ITGB4: variants seen among roughly 807,000 people sequenced by gnomAD.
ITGB4 encodes the protein integrin subunit beta 4, also known as integrin beta-4.
In ITGB4, 159 loss-of-function variants were observed where a neutral mutation model predicts 207.6. That is an observed-to-expected ratio of 0.77 (90% CI 0.67 to 0.87). ITGB4 has a LOEUF of 0.87. Among genes scored for constraint, ITGB4 ranks in the 40% least tolerant of loss-of-function variants. The pLI, the probability that ITGB4 is intolerant of heterozygous loss-of-function variation, is 0.00. For missense variants in ITGB4, 2,278 were observed against 2,546.8 expected (o/e 0.89, Z 2.27); for synonymous variants, 1,020 against 1,062.7 (o/e 0.96, Z 0.78).
rs763291660 is a variant in ITGB4 at position 75,757,485 on chromosome 17, T to C, written c.5399T>C (p.Phe1800Ser). ...CTCACCCGGCATGTGACCCAGGAGTTTGTGAGCCGGACACTGACCACCAGC... is the reference window on the plus strand; with the variant it reads ...CTCACCCGGCATGTGACCCAGGAGTCTGTGAGCCGGACACTGACCACCAGC... Reference protein sequence around the residue: ...GSLTRHVTQEFVSRTLTTSGT... With the variant: ...GSLTRHVTQESVSRTLTTSGT... The change falls in exon 40 of 40, where the codon TTT (phenylalanine) becomes TCT (serine). Residue 1800 changes from phenylalanine (F) to serine (S), a missense_variant. By Grantham distance (155) the Phe-to-Ser change is radical. Coordinates refer to ENST00000200181, the MANE Select transcript of ITGB4 (RefSeq NM_000213.5). 2 of 1,612,916 alleles carry C rather than the reference T, an allele frequency of 1.2e-6. No homozygotes were observed. The highest frequency in any genetic ancestry group is 1.3e-5 in the African/African-American group (1 of 74,888).
chr17:75,732,330 T>A lies in ITGB4; in HGVS notation c.1454+91T>A. On this transcript the variant is annotated intron_variant, in intron 12 of 39. Transcript: ENST00000200181. The surrounding 1 kb of genome is among the most constrained non-coding windows in gnomAD (Gnocchi z 5.3). ...GCAGGGGCCTGGCCCTGGGTGCACC[T>A]TGTACACCTGGCTGGGGGTGGGGCG... The A allele has an allele frequency of 1.2e-5, 15 of 1,234,874 alleles. No individual in the cohort carries two copies. Among genetic ancestry groups the A allele is most frequent in the Non-Finnish European group, 1.5e-5 (13 of 841,508 alleles). The allele number at this position is 1,234,874 out of a possible 1,614,324, so 76.5% of individuals were successfully genotyped here.
chr17:75,750,243 C>T lies in ITGB4; in HGVS notation c.3449C>T (p.Pro1150Leu), dbSNP rs2061336624. The T allele has an allele frequency of 1.2e-6, 2 of 1,613,386 alleles. No homozygotes were observed. The highest frequency in any genetic ancestry group is 1.3e-5 in the African/African-American group (1 of 75,036). The change falls in exon 28 of 40, where the codon CCT becomes CTT. Residue 1150 changes from proline to leucine, a missense_variant. Physicochemically the swap from Pro to Leu is moderately conservative, Grantham distance 98. Transcript: ENST00000200181. This position sits in a 1 kb window ranked among gnomAD's most constrained non-coding sequence, Gnocchi z 5.5. ...AAGATCCATTTCAACTGGCTGCCCC[C>T]TTCTGGCAAGCCAATGGGGTACAGG... ...SRKIHFNWLP[P>L]SGKPMGYRVK...
At position 75,750,989 on chromosome 17, in the gene ITGB4, G is replaced by C. The variant is rs1343998697; in HGVS notation, c.3671G>C (p.Gly1224Ala). Residue 1224 changes from glycine to alanine, a missense_variant, in exon 30 of 40, where the codon GGG (glycine) becomes GCG (alanine). Coordinates refer to ENST00000200181, the MANE Select transcript of ITGB4 (RefSeq NM_000213.5). The surrounding 1 kb of genome is among the most constrained non-coding windows in gnomAD (Gnocchi z 5.5). ...RTHQEVPSEP[G>A]RLAFNVVSST... Reference sequence around the variant, plus strand: ...CGCTCCCTAGTGCCCAGCGAGCCAGGGCGTCTGGCCTTCAATGTCGTCTCC... The same window carrying C: ...CGCTCCCTAGTGCCCAGCGAGCCAGCGCGTCTGGCCTTCAATGTCGTCTCC... 1.2e-6 allele frequency: 2 copies of C among 1,613,774 alleles called. No homozygotes were observed. The highest frequency in any genetic ancestry group is 1.7e-6 in the Non-Finnish European group (2 of 1,180,018).
chr17:75,727,553 C>A lies in ITGB4; in HGVS notation c.264+48C>A. ...TGGGGGCTCCCCATGCTCAGCCTGG[C>A]TATTTATGGGGGTGTATAGTGCCCC... On this transcript the variant is annotated intron_variant, in intron 4 of 39. Coordinates refer to ENST00000200181, the MANE Select transcript of ITGB4 (RefSeq NM_000213.5). This position sits in a 1 kb window ranked among gnomAD's most constrained non-coding sequence, Gnocchi z 6.0. The A allele has an allele frequency of 6.2e-7, 1 of 1,601,284 alleles. No homozygotes were observed. The highest frequency in any genetic ancestry group is 8.5e-7 in the Non-Finnish European group (1 of 1,173,124).
intron 32 of ITGB4, among the ~76,000 whole-genome samples, chr17:75,753,183 G>A (rs865905889): frequency 4.6e-5 from 7 of 152,214 alleles, no homozygotes; most frequent in South Asian, 2.1e-4. Flanking sequence ...TATATCTTTT[G>A]TATTTTCTTC....
chr17:75,756,451 C>T lies in ITGB4; in HGVS notation c.4731C>T (p.Ile1577=), dbSNP rs143423379. ...LNGGELHRLN[I]PNPAQTSVVV... ...CAGGTGAGCTGCATCGGCTCAACAT[C>T]CCCAACCCTGCCCAGACCTCGGTGG... The change falls in exon 36 of 40, where the codon ATC becomes ATT. Residue 1577 remains isoleucine (I), a synonymous_variant. Transcript: ENST00000200181. 2 of 1,613,348 alleles carry T rather than the reference C, an allele frequency of 1.2e-6. No homozygotes were observed. Among genetic ancestry groups the T allele is most frequent in the African/African-American group, 1.3e-5 (1 of 75,022 alleles).
In ITGB4 at chr17:75,752,556, C is replaced by T; in HGVS notation, c.4087C>T (p.Pro1363Ser). 6.2e-7 allele frequency: 1 copy of T among 1,613,620 alleles called. No individual in the cohort carries two copies. The highest frequency in any genetic ancestry group is 8.5e-7 in the Non-Finnish European group (1 of 1,180,024). The stretch of plus-strand genomic sequence containing the variant: ...ACGCTCTCCATCGGGCAGCCAGAGG[C>T]CCAGCGTCTCCGATGACACTGGTGA... ...VLRSPSGSQR[P>S]SVSDDTGCGW... Residue 1363 changes from proline to serine, a missense_variant, in exon 32 of 40, where the codon CCC (proline) becomes TCC (serine). Physicochemically the swap from Pro to Ser is moderately conservative, Grantham distance 74. Transcript: ENST00000200181.
chr17:75,724,746 G>A lies in ITGB4; in HGVS notation c.43G>A (p.Ala15Thr), dbSNP rs560574772. 8.5e-5 allele frequency: 137 copies of A among 1,613,772 alleles called. No homozygotes were observed. In the South Asian group the frequency reaches 1.3e-3, roughly 16 times the overall value. ...CAGCCCATGGGCCAGGCTGCTCCTG[G>A]CAGCCTTGATCAGCGTCAGCCTCTC... is the stretch of plus-strand genomic sequence containing the variant. ...RPSPWARLLL[A>T]ALISVSLSGT... The change falls in exon 2 of 40, where the codon GCA (alanine) becomes ACA (threonine). Residue 15 changes from alanine (A) to threonine (T), a missense_variant. Physicochemically the swap from Ala to Thr is moderately conservative, Grantham distance 58 (BLOSUM62 0). Transcript: ENST00000200181.
chr17:75,754,418 C>G (rs1368619998), intron 33 of ITGB4, 158 bp from the exon 34 acceptor site: 1 of 859,972 alleles, frequency 1.2e-6, no homozygotes, highest in Non-Finnish European at 1.8e-6. Context: ...CCTGCAGGGA[C>G]AGAGGGCCTC....
intron 16 of ITGB4, 159 bp downstream of exon 16, chr17:75,736,853 T>C (rs981835330): frequency 2.6e-5 from 21 of 812,086 alleles, no homozygotes; most frequent in Middle Eastern, 3.1e-4. Flanking sequence ...AGAACCCAGA[T>C]AGAGGACACC....
At chr17:75,743,892 G>A (rs1470497489) in intron 26 of ITGB4, 31 bp downstream of exon 26, 1 of 1,552,608 alleles carries the variant, frequency 6.4e-7, no homozygotes, top group Non-Finnish European at 8.7e-7. Context: ...CGAGGGTGCA[G>A]CCCGGGGGGC....
rs1432931367 is a variant in ITGB4, at chr17:75,727,518, G to C, written c.264+13G>C. The C allele has an allele frequency of 6.2e-7, 1 of 1,612,726 alleles. No individual in the cohort carries two copies. Among genetic ancestry groups the C allele is most frequent in the East Asian group, 2.2e-5 (1 of 44,850 alleles). On this transcript the variant is annotated intron_variant, in intron 4 of 39. Transcript: ENST00000200181. This position sits in a 1 kb window ranked among gnomAD's most constrained non-coding sequence, Gnocchi z 6.0. Reference sequence around the variant, plus strand: ...CCAAATCACAGAGGTGCCTGGTGTGGGGACTGGGGTGGGGGCTCCCCATGC... The same window carrying C: ...CCAAATCACAGAGGTGCCTGGTGTGCGGACTGGGGTGGGGGCTCCCCATGC...
rs1257740855 is a variant in ITGB4 at position 75,736,550 on chromosome 17, C to G, written c.1861-15C>G. On this transcript the variant is annotated splice_polypyrimidine_tract_variant and intron_variant, in intron 15 of 39. Coordinates refer to ENST00000200181, the MANE Select transcript of ITGB4 (RefSeq NM_000213.5). ...CCCAACACAGTGCCTGTCTGCCCCG[C>G]CTTTCCCCGCCAAGATCCACCCGGG... 2 of 1,590,938 alleles carry G rather than the reference C, an allele frequency of 1.3e-6. No individual in the cohort carries two copies. Among genetic ancestry groups the G allele is most frequent in the African/African-American group, 2.7e-5 (2 of 74,706 alleles).
chr17:75,740,364 A>G lies in ITGB4; in HGVS notation c.2453A>G (p.Tyr818Cys). The part of the protein sequence containing the change: ...ASINPTELVP[Y>C]GLSLRLARLC... ...TCCCACCGCCTTTCCTTAGTGCCCT[A>G]CGGGCTGTCCTTGCGCCTGGCCCGC... The change falls in exon 21 of 40, where the codon TAC (tyrosine) becomes TGC (cysteine). Residue 818 changes from tyrosine (Y) to cysteine (C), a missense_variant. Tyr to Cys is a radical substitution (Grantham distance 194). Coordinates refer to ENST00000200181, the MANE Select transcript of ITGB4 (RefSeq NM_000213.5). This position sits in a 1 kb window ranked among gnomAD's most constrained non-coding sequence, Gnocchi z 5.9. 6.2e-7 allele frequency: 1 copy of G among 1,613,062 alleles called. No individual in the cohort carries two copies. Among genetic ancestry groups the G allele is most frequent in the Non-Finnish European group, 8.5e-7 (1 of 1,179,872 alleles).
rs2061353484 is a variant in ITGB4 at position 75,750,913 on chromosome 17, A to G, written c.3655+53A>G. The G allele has an allele frequency of 6.2e-7, 1 of 1,612,936 alleles. No individual in the cohort carries two copies. The highest frequency in any genetic ancestry group is 1.3e-5 in the African/African-American group (1 of 74,904). On this transcript the variant is annotated intron_variant, in intron 29 of 39. Transcript: ENST00000200181. The surrounding 1 kb of genome is among the most constrained non-coding windows in gnomAD (Gnocchi z 5.5). The stretch of plus-strand genomic sequence containing the variant: ...GTCCCCTGGCTGCCCTGATGCCAGC[A>G]TGCCCAGACCTCCCTCCCTCTGCCA...
chr17:75,722,789 G>A lies in ITGB4; in HGVS notation c.-11+1177G>A. Among the ~76,000 whole-genome samples, 1 of 151,306 alleles carries A rather than the reference G, an allele frequency of 6.6e-6. No homozygotes were observed. Among genetic ancestry groups the A allele is most frequent in the Non-Finnish European group, 1.5e-5 (1 of 67,898 alleles). ...TGTGTGTGTGTGTGTGTGTGTGTGT[G>A]TGTCCCTGTGGGGGGGAAACTGCCT... On this transcript the variant is annotated intron_variant, in intron 1 of 39. Coordinates refer to ENST00000200181, the MANE Select transcript of ITGB4 (RefSeq NM_000213.5). This position sits in a 1 kb window ranked among gnomAD's most constrained non-coding sequence, Gnocchi z 6.2.
chr17:75,736,740 C>T (rs752257415), intron 16 of ITGB4, 46 bp downstream of exon 16: 19 of 1,568,186 alleles, frequency 1.2e-5, no homozygotes, highest in Admixed American at 5.8e-5. Context: ...GCCTAGGCAG[C>T]GGGCATCCAA....
rs1007627082 is a variant in ITGB4, at chr17:75,755,864, G to C, written c.4708+14G>C. On this transcript the variant is annotated intron_variant, in intron 35 of 39. Coordinates refer to ENST00000200181, the MANE Select transcript of ITGB4 (RefSeq NM_000213.5). ...TGCTGAACGGCGGTGAGGCATGGTG[G>C]CTGCCAGGCTGCGGGGTGCAGCCCT... The C allele has an allele frequency of 1.9e-6, 3 of 1,598,718 alleles. No homozygotes were observed. The African/African-American group carries it at 4.0e-5, about 21-fold the overall frequency.
In ITGB4 at chr17:75,752,298, G is replaced by A; in HGVS notation, c.3918G>A (p.Trp1306Ter). ...YTVKARNGAG[W>*]GPEREAIINL... ...TGAAGGCGCGCAACGGGGCCGGCTG[G>A]GGGCCTGAGCGGGAGGCCATCATCA... Residue 1306 changes from tryptophan (W) to a stop codon, truncating the protein, a stop_gained, in exon 31 of 40, where the codon TGG becomes TGA. Transcript: ENST00000200181. LOFTEE classifies it high-confidence loss of function. 6.2e-7 allele frequency: 1 copy of A among 1,613,232 alleles called. No homozygotes were observed. The highest frequency in any genetic ancestry group is 8.5e-7 in the Non-Finnish European group (1 of 1,180,004).
Sources: allele counts gnomAD v4.1 joint callset (sites outside exome capture counted in the v4.1 genomes callset), GRCh38; gene constraint gnomAD v4.1.1; non-coding constraint Gnocchi (gnomAD v3.1); transcripts MANE v1.5; gene names NCBI Gene and HGNC (gene_info 2026-07-23, HGNC 2026-07-21).